The following CECR2 variants were observed in gnomAD, a reference collection of about 807,000 sequenced individuals.
The protein encoded by CECR2 is chromatin remodeling regulator CECR2.
In CECR2, 30 loss-of-function variants were observed where a neutral mutation model predicts 154.5. That is an observed-to-expected ratio of 0.19 (90% CI 0.15 to 0.26). The LOEUF is 0.26. CECR2 is among the 10% of genes least tolerant of loss of function. The pLI, the probability that CECR2 is intolerant of heterozygous loss-of-function variation, is 1.00. For missense variants in CECR2, 1,743 were observed against 1,829.3 expected, an observed-to-expected ratio of 0.95 and a Z score of 0.86; for synonymous variants, 725 against 683.7, an observed-to-expected ratio of 1.06 and a Z score of -0.94.
At chr22:17,531,177 CTT>C (rs1375762003) in intron 9 of CECR2, among the ~76,000 whole-genome samples, 1 of 152,156 alleles carries the variant, frequency 6.6e-6, no homozygotes, top group African/African-American at 2.4e-5. Context: ...TCACATGACT[CTT>C]TGGTAAAATG....
At chr22:17,470,409 GA>G (rs1380771306) in intron 1 of CECR2, among the ~76,000 whole-genome samples, 6 of 125,098 alleles carry the variant, frequency 4.8e-5, no homozygotes, top group African/African-American at 1.5e-4. Flanking sequence ...AAAAAAAAAA[GA>G]AAAAAAAATT....
At chr22:17,531,500 TATC>T (rs2056355054) in intron 9 of CECR2, among the ~76,000 whole-genome samples, 1 of 152,128 alleles carries the variant, frequency 6.6e-6, no homozygotes, top group African/African-American at 2.4e-5. Context: ...CCAGCCCCAT[TATC>T]ACAAAGCAGA....
At chr22:17,522,705 T>C (rs2056178915) in intron 8 of CECR2, among the ~76,000 whole-genome samples, 1 of 152,152 alleles carries the variant, frequency 6.6e-6, no homozygotes, top group Non-Finnish European at 1.5e-5. Flanking sequence ...AAAATGACAT[T>C]GAGAAGTCAA....
At chr22:17,464,734 C>T (rs2054998830) in intron 1 of CECR2, among the ~76,000 whole-genome samples, 3 of 152,138 alleles carry the variant, frequency 2.0e-5, no homozygotes, top group Non-Finnish European at 4.4e-5. Context: ...CTCCTCGACT[C>T]AAGCAGTCCT....
chr22:17,462,272 C>T lies in CECR2; in HGVS notation c.127-15316C>T, dbSNP rs922690820. Among the ~76,000 whole-genome samples, 5 of 151,754 alleles carry T rather than the reference C, an allele frequency of 3.3e-5. No homozygotes were observed. The East Asian group carries it at 6.0e-4, about 18-fold the overall frequency. Reference sequence around the variant, plus strand: ...ACAGAAAATTAGCTGGGCATGGTGGCGGGCGCCTGTAGTCCCAGGCAGAGC... The same window carrying T: ...ACAGAAAATTAGCTGGGCATGGTGGTGGGCGCCTGTAGTCCCAGGCAGAGC... On this transcript the variant is annotated intron_variant, in intron 1 of 18. Transcript: ENST00000262608.
chr22:17,519,309 T>TTTTA (rs2056115361), intron 8 of CECR2, among the ~76,000 whole-genome samples: 1 of 145,372 alleles, frequency 6.9e-6, no homozygotes, highest in Admixed American at 7.0e-5. Context: ...TTTTTTTTTT[T>TTTTA]GAGACGGAGT....
intron 1 of CECR2, among the ~76,000 whole-genome samples, chr22:17,403,919 G>T (rs1569059144): frequency 6.6e-6 from 1 of 151,646 alleles, no homozygotes; most frequent in African/African-American, 2.4e-5. Flanking sequence ...AGTTGGTGGG[G>T]TTTTTTTTGA....
chr22:17,482,892 A>C (rs2055352918), intron 2 of CECR2, among the ~76,000 whole-genome samples: 1 of 151,780 alleles, frequency 6.6e-6, no homozygotes, highest in African/African-American at 2.4e-5. Flanking sequence ...CGCATTAGCC[A>C]GGATGGTCTC....
chr22:17,497,319 A>C, intron 2 of CECR2, 84 bp from the exon 3 acceptor site: 1 of 1,359,830 alleles, frequency 7.4e-7, no homozygotes, highest in South Asian at 1.4e-5. Context: ...TAGCTGTCAG[A>C]TCATGAGTTC....
chr22:17,428,950 G>C (rs562293823), intron 1 of CECR2, among the ~76,000 whole-genome samples: 1 of 152,228 alleles, frequency 6.6e-6, no homozygotes, highest in South Asian at 2.1e-4. Flanking sequence ...GTGGAGCTTG[G>C]TTGATGATGG....
intron 18 of CECR2, among the ~76,000 whole-genome samples, chr22:17,552,617 G>A (rs1445851523): frequency 6.6e-6 from 1 of 152,006 alleles, no homozygotes; most frequent in Non-Finnish European, 1.5e-5. Context: ...TCATTTCCCA[G>A]TGTGCAAGTC....
At chr22:17,547,526 G>A (rs1011197169) in intron 16 of CECR2, among the ~76,000 whole-genome samples, 1 of 152,152 alleles carries the variant, frequency 6.6e-6, no homozygotes, top group Non-Finnish European at 1.5e-5. Context: ...CACCGTGCCC[G>A]GCCCCTAAAG....
At chr22:17,507,397 T>C (rs1327206248) in intron 7 of CECR2, among the ~76,000 whole-genome samples, 3 of 152,356 alleles carry the variant, frequency 2.0e-5, no homozygotes, top group Non-Finnish European at 4.4e-5. Context: ...AATTAAAATA[T>C]ATAATCTAAT....
intron 1 of CECR2, among the ~76,000 whole-genome samples, chr22:17,403,405 GCTTT>G (rs929840482): frequency 1.3e-5 from 2 of 152,084 alleles, no homozygotes; most frequent in Admixed American, 6.6e-5. Context: ...GTAAGTGTGT[GCTTT>G]CTTTTTTTCT....
intron 2 of CECR2, among the ~76,000 whole-genome samples, chr22:17,487,316 A>T (rs2055438722): frequency 1.3e-5 from 2 of 152,280 alleles, no homozygotes; most frequent in African/African-American, 4.8e-5. Context: ...CTGGGTGGAA[A>T]ATAGGAACTT....
intron 9 of CECR2, among the ~76,000 whole-genome samples, chr22:17,529,845 A>G (rs1452275051): frequency 3.3e-5 from 5 of 152,220 alleles, no homozygotes; most frequent in East Asian, 3.8e-4. Flanking sequence ...TTTGTAAGCC[A>G]TAAGATACTT....
intron 1 of CECR2, among the ~76,000 whole-genome samples, chr22:17,469,703 C>G (rs2055093083): frequency 6.7e-6 from 1 of 150,174 alleles, no homozygotes; most frequent in African/African-American, 2.4e-5. Context: ...GATTGGATTT[C>G]AAGCATATCT....
rs894912885 is a variant in CECR2 at position 17,395,614 on chromosome 22, G to A, written c.126+25705G>A. Among the ~76,000 whole-genome samples the A allele has an allele frequency of 3.9e-5, 6 of 152,100 alleles. No individual in the cohort carries two copies. The East Asian group carries it at 5.8e-4, about 15-fold the overall frequency. On this transcript the variant is annotated intron_variant, in intron 1 of 18. Transcript: ENST00000262608. ...CCCGCCTCAGCCCTCCCAAAGTGCT[G>A]GGATTACAGGGGTGAGCCACCGTGC...
At chr22:17,510,242 A>G (rs1292022894) in intron 7 of CECR2, among the ~76,000 whole-genome samples, 2 of 152,204 alleles carry the variant, frequency 1.3e-5, no homozygotes, top group African/African-American at 4.8e-5. Context: ...TGCAACTATC[A>G]TGGTAAACTG....
Sources: gnomAD v4.1 joint callset for allele counts (sites outside exome capture counted in the v4.1 genomes callset) on GRCh38, gnomAD v4.1.1 for gene constraint, MANE v1.5 for transcripts, NCBI Gene and HGNC (gene_info 2026-07-23, HGNC 2026-07-21) for gene names.